SPATA16: variants seen among roughly 807,000 people sequenced by gnomAD.
The protein encoded by SPATA16 is spermatogenesis-associated protein 16.
A neutral mutation model predicts 63.3 loss-of-function variants in SPATA16; 36 were observed. The ratio of observed to expected loss-of-function variants is 0.57; its 90% CI spans 0.44 to 0.75. SPATA16 has a LOEUF of 0.75. Ranked by LOEUF, SPATA16 falls within the 30% of genes least tolerant of loss-of-function variation. SPATA16 has a pLI of 0.00. For synonymous variants in SPATA16, 203 were observed against 216.7 expected (o/e 0.94, Z 0.56); for missense variants, 646 against 679.3 (o/e 0.95, Z 0.54).
At chr3:172,975,951 G>C (rs904901974) in intron 5 of SPATA16, among the ~76,000 whole-genome samples, 21 of 152,018 alleles carry the variant, frequency 1.4e-4, no homozygotes, top group African/African-American at 5.1e-4. Flanking sequence ...AAAACAGGAA[G>C]CTTCAGAAGG....
chr3:173,037,585 G>T (rs972199395), intron 3 of SPATA16, among the ~76,000 whole-genome samples: 18 of 151,974 alleles, frequency 1.2e-4, no homozygotes, highest in Admixed American at 9.2e-4. Flanking sequence ...AAATTATTTT[G>T]CCTAGGTGAG....
chr3:172,961,798 G>A (rs751164438), intron 5 of SPATA16, among the ~76,000 whole-genome samples: 10 of 151,934 alleles, frequency 6.6e-5, no homozygotes, highest in South Asian at 6.2e-4. Flanking sequence ...ACTTTACCTC[G>A]CAGGCACATA....
At chr3:173,016,793 C>A (rs1395154867) in intron 4 of SPATA16, among the ~76,000 whole-genome samples, 10 of 152,144 alleles carry the variant, frequency 6.6e-5, no homozygotes, top group Non-Finnish European at 1.3e-4. Flanking sequence ...TGCCAGGAAT[C>A]ACCCGAGGTC....
At chr3:172,967,751 C>T (rs547660124) in intron 5 of SPATA16, among the ~76,000 whole-genome samples, 81 of 152,286 alleles carry the variant, frequency 5.3e-4, no homozygotes, top group Middle Eastern at 6.8e-3. Flanking sequence ...ACTCCTCAGG[C>T]GAAGGATCTA....
chr3:173,117,841 A>C, intron 1 of SPATA16, 92 bp from the exon 2 acceptor site: 2 of 1,577,192 alleles, frequency 1.3e-6, no homozygotes, highest in Non-Finnish European at 1.7e-6. Context: ...ACACTATTTC[A>C]TTCATTATTA....
intron 5 of SPATA16, among the ~76,000 whole-genome samples, chr3:172,963,545 A>G (rs907973729): frequency 3.3e-5 from 5 of 151,972 alleles, no homozygotes; most frequent in Admixed American, 3.3e-4. Context: ...CATGCATGTA[A>G]TTGTGTAAAT....
chr3:172,963,568 C>T (rs1300991708), intron 5 of SPATA16, among the ~76,000 whole-genome samples: 1 of 151,872 alleles, frequency 6.6e-6, no homozygotes, highest in Non-Finnish European at 1.5e-5. Context: ...ATTATTTGAG[C>T]TACTGTCTAC....
chr3:173,003,034 G>T (rs1185695384), intron 4 of SPATA16, among the ~76,000 whole-genome samples: 2 of 152,046 alleles, frequency 1.3e-5, no homozygotes, highest in African/African-American at 4.8e-5. Flanking sequence ...AAATCATAAA[G>T]AAACCTGATT....
At chr3:172,906,576 C>CTA (rs34346181) in intron 10 of SPATA16, among the ~76,000 whole-genome samples, 96,808 of 151,662 alleles carry the variant, frequency 0.64, 31,583 homozygotes, top group South Asian at 0.8. Context: ...GAATGTTCAA[C>CTA]TACAGACAAC....
intron 2 of SPATA16, among the ~76,000 whole-genome samples, chr3:173,072,826 A>G (rs1043207286): frequency 1.3e-5 from 2 of 152,258 alleles, no homozygotes; most frequent in Non-Finnish European, 2.9e-5. Context: ...ACTGGTTAAC[A>G]GTCAGGGATT....
At chr3:173,048,875 A>G in intron 3 of SPATA16, 74 bp downstream of exon 3, 1 of 1,545,638 alleles carries the variant, frequency 6.5e-7, no homozygotes, top group Non-Finnish European at 8.9e-7. Flanking sequence ...ATGGAAGGTG[A>G]TCAGGCAAGC....
At chr3:173,074,818 T>C (rs1736751585) in intron 2 of SPATA16, among the ~76,000 whole-genome samples, 1 of 151,690 alleles carries the variant, frequency 6.6e-6, no homozygotes, top group Admixed American at 6.6e-5. Flanking sequence ...GAAAACATGG[T>C]GAAATCCTGT....
intron 6 of SPATA16, among the ~76,000 whole-genome samples, chr3:172,928,998 C>T (rs1427627310): frequency 2.6e-5 from 4 of 152,102 alleles, no homozygotes; most frequent in African/African-American, 9.7e-5. Context: ...TAATTGTTCT[C>T]GATTTTGTGC....
chr3:172,943,525 A>G (rs1321797032), intron 6 of SPATA16, among the ~76,000 whole-genome samples: 3 of 152,208 alleles, frequency 2.0e-5, no homozygotes, highest in African/African-American at 7.2e-5. Context: ...AAATCACTTG[A>G]GGTCAGGAGT....
At chr3:172,953,087 G>A (rs1485952583) in intron 6 of SPATA16, among the ~76,000 whole-genome samples, 1 of 151,866 alleles carries the variant, frequency 6.6e-6, no homozygotes, top group Non-Finnish European at 1.5e-5. Context: ...TCCACAATTA[G>A]AGCTTTGGTT....
At chr3:173,022,638 T>C (rs1423938449) in intron 3 of SPATA16, among the ~76,000 whole-genome samples, 1 of 152,112 alleles carries the variant, frequency 6.6e-6, no homozygotes, top group East Asian at 1.9e-4. Flanking sequence ...GGGGAAATGA[T>C]GATCTGTCTT....
chr3:173,041,441 C>G (rs997731355), intron 3 of SPATA16, among the ~76,000 whole-genome samples: 3 of 152,118 alleles, frequency 2.0e-5, no homozygotes, highest in African/African-American at 7.2e-5. Flanking sequence ...TAATGTCTTT[C>G]AGAAATGAAT....
In SPATA16 at chr3:172,889,595, C is replaced by T. The variant is rs139543023; in HGVS notation, c.1685G>A (p.Arg562Gln). The change falls in exon 11 of 11, where the codon CGA (arginine) becomes CAA (glutamine). Residue 562 changes from arginine (R) to glutamine (Q), a missense_variant. Transcript: ENST00000351008. ...CTACCTTTGCTGAACAGTTTGAAGT[C>T]GCTTCATTTTTGTTTTTTGCCTTCG... ...TARRQKTKMK[R>Q]LQTVQQR 1.2e-5 allele frequency: 19 copies of T among 1,613,586 alleles called. No homozygotes were observed. The highest frequency in any genetic ancestry group is 6.7e-5 in the African/African-American group (5 of 74,886).
chr3:172,983,109 TC>T (rs1455979225), intron 4 of SPATA16, among the ~76,000 whole-genome samples: 2 of 152,206 alleles, frequency 1.3e-5, no homozygotes, highest in Non-Finnish European at 2.9e-5. Context: ...AGGACATTGC[TC>T]TGCTCTCCTC....
Sources: gnomAD v4.1 joint callset for allele counts (sites outside exome capture counted in the v4.1 genomes callset) on GRCh38, gnomAD v4.1.1 for gene constraint, MANE v1.5 for transcripts, NCBI Gene and HGNC (gene_info 2026-07-23, HGNC 2026-07-21) for gene names.